The following KCNT2 variants were observed in gnomAD, a reference collection of about 807,000 sequenced individuals.
KCNT2 encodes potassium sodium-activated channel subfamily T member 2.
In KCNT2, 67 loss-of-function variants were observed where a neutral mutation model predicts 153.8. The observed-to-expected ratio is 0.44, with a 90% CI of 0.36 to 0.53. The LOEUF (loss-of-function observed/expected upper bound fraction) is 0.53, where lower values mean the gene tolerates loss of function less well. Ranked by LOEUF, KCNT2 falls within the 20% of genes least tolerant of loss-of-function variation. KCNT2 has a pLI of 0.00. For missense variants in KCNT2, 975 were observed against 1,354.8 expected (o/e 0.72, Z 4.40); for synonymous variants, 500 against 458.8 (o/e 1.09, Z -1.15).
chr1:196,253,236 C>T (rs1306030860), intron 26 of KCNT2, among the ~76,000 whole-genome samples: 4 of 151,226 alleles, frequency 2.6e-5, no homozygotes, highest in East Asian at 1.9e-4. Context: ...ATGTGTTCTT[C>T]GAAGTTTTAT....
chr1:196,311,884 G>A (rs915837045), intron 21 of KCNT2, among the ~76,000 whole-genome samples: 3 of 151,796 alleles, frequency 2.0e-5, no homozygotes, highest in Non-Finnish European at 4.4e-5. Context: ...AGATCAATTT[G>A]ACATAGACTT....
intron 26 of KCNT2, among the ~76,000 whole-genome samples, chr1:196,246,916 C>T (rs932685624): frequency 4.6e-5 from 7 of 151,828 alleles, no homozygotes; most frequent in East Asian, 1.9e-4. Context: ...AAATAAATGT[C>T]GGAATAAGTT....
intron 8 of KCNT2, among the ~76,000 whole-genome samples, chr1:196,458,944 C>G (rs953201000): frequency 4.0e-5 from 6 of 151,850 alleles, no homozygotes; most frequent in Admixed American, 3.3e-4. Flanking sequence ...CAAACATTAG[C>G]ATTCAAATCA....
intron 8 of KCNT2, among the ~76,000 whole-genome samples, chr1:196,435,149 A>G (rs1158496604): frequency 1.9e-5 from 2 of 105,810 alleles, no homozygotes; most frequent in Admixed American, 8.9e-5. Context: ...GTATATATAT[A>G]TATATATATA....
chr1:196,547,928 T>C (rs1406325134), intron 1 of KCNT2, among the ~76,000 whole-genome samples: 1 of 151,802 alleles, frequency 6.6e-6, no homozygotes, highest in African/African-American at 2.4e-5. Context: ...CAGCTAGGGA[T>C]AGTCTAAAAT....
intron 1 of KCNT2, among the ~76,000 whole-genome samples, chr1:196,562,817 C>G (rs765596448): frequency 6.6e-6 from 1 of 151,488 alleles, no homozygotes; most frequent in East Asian, 1.9e-4. Flanking sequence ...GGAAACCAAA[C>G]GAAATACCTG....
At chr1:196,510,474 A>G (rs1046975049) in intron 1 of KCNT2, among the ~76,000 whole-genome samples, 4 of 152,216 alleles carry the variant, frequency 2.6e-5, no homozygotes, top group African/African-American at 9.6e-5. Flanking sequence ...TTGTTATTAC[A>G]TATTTTTTCT....
intron 1 of KCNT2, among the ~76,000 whole-genome samples, chr1:196,547,552 G>C (rs1657273501): frequency 6.6e-6 from 1 of 151,846 alleles, no homozygotes. Context: ...ACTTAAGTTT[G>C]TTTCTATCAA....
chr1:196,300,155 A>C (rs575088554), intron 22 of KCNT2, among the ~76,000 whole-genome samples: 1 of 152,222 alleles, frequency 6.6e-6, no homozygotes, highest in Non-Finnish European at 1.5e-5. Context: ...CTGAAGTTAC[A>C]TAGGTAATGA....
rs1399219403 is a variant in KCNT2 at position 196,226,056 on chromosome 1, T to G, written c.*2168A>C. The G allele has an allele frequency of 1.3e-5, 2 of 152,042 alleles. No individual in the cohort carries two copies. Among genetic ancestry groups the G allele is most frequent in the Non-Finnish European group, 2.9e-5 (2 of 67,912 alleles). 9.4% of individuals were successfully genotyped at this position (152,042 alleles called of 1,614,324 possible). On this transcript the variant is annotated 3_prime_UTR_variant, in exon 28 of 28. Coordinates refer to ENST00000294725, the MANE Select transcript of KCNT2 (RefSeq NM_198503.5). ...GTATGAACTGTGTCAAATATTAAAT[T>G]TGGACTAATGTTCATAGTCAAAAAT...
At chr1:196,246,136 C>A (rs1055704132) in intron 26 of KCNT2, among the ~76,000 whole-genome samples, 9 of 152,082 alleles carry the variant, frequency 5.9e-5, no homozygotes, top group African/African-American at 2.2e-4. Context: ...TCTAATATAT[C>A]TGGGAGCAGA....
intron 19 of KCNT2, among the ~76,000 whole-genome samples, chr1:196,324,321 T>C (rs575437543): frequency 1.8e-4 from 27 of 152,054 alleles, no homozygotes; most frequent in African/African-American, 5.8e-4. Context: ...TTTTTTCATA[T>C]ATGAAAACCC....
At chr1:196,504,292 T>A (rs1281261810) in intron 1 of KCNT2, among the ~76,000 whole-genome samples, 1 of 142,530 alleles carries the variant, frequency 7.0e-6, no homozygotes, top group African/African-American at 2.6e-5. Context: ...TGTCCATGTG[T>A]TCTCATTGTT....
chr1:196,363,904 CAT>C (rs1441512498), intron 14 of KCNT2, among the ~76,000 whole-genome samples: 1 of 151,918 alleles, frequency 6.6e-6, no homozygotes, highest in Non-Finnish European at 1.5e-5. Context: ...TACTAGCAAA[CAT>C]ACATAGAGGC....
At chr1:196,395,227 C>G (rs1170948199) in intron 13 of KCNT2, among the ~76,000 whole-genome samples, 1 of 151,218 alleles carries the variant, frequency 6.6e-6, no homozygotes, top group Admixed American at 6.6e-5. Context: ...ATGTTATTTC[C>G]AAAACTATCC....
chr1:196,505,585 A>G (rs1681065771), intron 1 of KCNT2, among the ~76,000 whole-genome samples: 1 of 152,086 alleles, frequency 6.6e-6, no homozygotes, highest in Non-Finnish European at 1.5e-5. Context: ...TTGGTACCAT[A>G]TGAATTTTAA....
chr1:196,416,916 C>T (rs1672802215), intron 12 of KCNT2, among the ~76,000 whole-genome samples: 1 of 151,982 alleles, frequency 6.6e-6, no homozygotes, highest in African/African-American at 2.4e-5. Context: ...CTCCCCGTCA[C>T]CACTCCCCCA....
chr1:196,288,585 A>G (rs1043030233), intron 22 of KCNT2, among the ~76,000 whole-genome samples: 1 of 152,100 alleles, frequency 6.6e-6, no homozygotes, highest in Non-Finnish European at 1.5e-5. Flanking sequence ...AATCCTAGTG[A>G]AAGACGAATG....
intron 14 of KCNT2, among the ~76,000 whole-genome samples, chr1:196,344,759 G>T (rs983878793): frequency 6.6e-6 from 1 of 152,144 alleles, no homozygotes; most frequent in Non-Finnish European, 1.5e-5. Context: ...GGATGGAATC[G>T]GACTAGGACA....
Sources: allele counts gnomAD v4.1 joint callset (sites outside exome capture counted in the v4.1 genomes callset), GRCh38; gene constraint gnomAD v4.1.1; transcripts MANE v1.5; gene names NCBI Gene and HGNC (gene_info 2026-07-23, HGNC 2026-07-21).